ZNF20: variants seen among roughly 807,000 people sequenced by gnomAD.
ZNF20 encodes the protein zinc finger protein 20, also known as zinc finger protein KOX13.
In ZNF20, 9 loss-of-function variants were observed where a neutral mutation model predicts 11.0. That is an observed-to-expected ratio of 0.82 (90% CI 0.49 to 1.43). ZNF20 has a LOEUF of 1.43. ZNF20 is among the 40% of genes most tolerant of loss of function. The pLI, the probability that ZNF20 is intolerant of heterozygous loss-of-function variation, is 0.00. For missense variants in ZNF20, 528 were observed against 640.8 expected (o/e 0.82, Z 1.90); for synonymous variants, 182 against 213.0 (o/e 0.85, Z 1.27).
chr19:12,133,025 C>A lies in ZNF20; in HGVS notation c.1161G>T (p.Arg387Ser). The A allele has an allele frequency of 6.2e-7, 1 of 1,614,028 alleles. No individual in the cohort carries two copies. Among genetic ancestry groups the A allele is most frequent in the South Asian group, 1.1e-5 (1 of 91,080 alleles). The stretch of plus-strand genomic sequence containing the variant: ...CATGGGGTTTCTCTCCACTGTGCGT[C>A]CTTTCATGAATTTGAAGTTGTGAAG... The part of the protein sequence containing the change: ...RCASQLQIHE[R>S]THSGEKPHEC... Residue 387 changes from arginine to serine, a missense_variant, in exon 4 of 4, where the codon AGG (arginine) becomes AGT (serine). By Grantham distance (110) the Arg-to-Ser change is moderately radical (BLOSUM62 -1). Transcript: ENST00000334213.
At chr19:12,138,061 G>A (rs1209232567) in intron 1 of ZNF20, among the ~76,000 whole-genome samples, 1 of 152,172 alleles carries the variant, frequency 6.6e-6, no homozygotes, top group Non-Finnish European at 1.5e-5. Context: ...GATGGGAGCT[G>A]TGGGCATTTT....
intron 1 of ZNF20, among the ~76,000 whole-genome samples, chr19:12,136,519 T>TAA (rs75332258): frequency 1.4e-5 from 2 of 145,804 alleles, no homozygotes; most frequent in Non-Finnish European, 3.0e-5. Context: ...CTGTCTCTAT[T>TAA]AAAAAAAAAA....
At chr19:12,140,155 G>A (rs1171398762) in intron 1 of ZNF20, 25 bp downstream of exon 1, 2 of 1,596,168 alleles carry the variant, frequency 1.3e-6, no homozygotes, top group African/African-American at 1.3e-5. Flanking sequence ...TCCCCCGTCT[G>A]GGGACTCCGG....
chr19:12,140,080 C>T (rs1011873946), intron 1 of ZNF20, 100 bp downstream of exon 1: 12 of 1,460,102 alleles, frequency 8.2e-6, no homozygotes, highest in African/African-American at 1.4e-5. Flanking sequence ...GTCCCAGATC[C>T]AGGAGGCGCG....
At position 12,133,474 on chromosome 19, in the gene ZNF20, G is replaced by A. The variant is rs201995795; in HGVS notation, c.712C>T (p.Arg238Cys). 394 of 1,614,142 alleles carry A rather than the reference G, an allele frequency of 2.4e-4. 1 individual carries two copies. The African/African-American group carries it at 3.7e-3, about 15-fold the overall frequency. The change falls in exon 4 of 4, where the codon CGT (arginine) becomes TGT (cysteine). Residue 238 changes from arginine (R) to cysteine (C), a missense_variant. Physicochemically the swap from Arg to Cys is radical, Grantham distance 180. Coordinates refer to ENST00000334213, the MANE Select transcript of ZNF20 (RefSeq NM_021143.4). ...KCKQCGKAFTRSTTLPVHERT... is the reference protein window; with the variant it reads ...KCKQCGKAFTCSTTLPVHERT... ...TCATGTACTGGAAGGGTAGTGGAAC[G>A]AGTAAAGGCCTTACCACATTGTTTA...
At chr19:12,140,112 C>G in intron 1 of ZNF20, 68 bp downstream of exon 1, 1 of 1,560,066 alleles carries the variant, frequency 6.4e-7, no homozygotes, top group African/African-American at 1.4e-5. Context: ...CAGATCCCAC[C>G]ACAGCCGCTT....
intron 1 of ZNF20, among the ~76,000 whole-genome samples, chr19:12,138,256 C>T (rs1222195914): frequency 6.6e-6 from 1 of 151,860 alleles, no homozygotes; most frequent in Admixed American, 6.6e-5. Flanking sequence ...AGTTCGAGAC[C>T]AGCCTGACCA....
At chr19:12,136,011 C>T in intron 1 of ZNF20, 107 bp from the exon 2 acceptor site, 2 of 1,405,838 alleles carry the variant, frequency 1.4e-6, no homozygotes, top group Non-Finnish European at 1.9e-6. Context: ...TATCCCATGA[C>T]TTGGTCATCA....
At chr19:12,135,062 A>G (rs1976688119) in intron 3 of ZNF20, among the ~76,000 whole-genome samples, 1 of 151,880 alleles carries the variant, frequency 6.6e-6, no homozygotes, top group Non-Finnish European at 1.5e-5. Context: ...ATTTAAACAT[A>G]TGTTTTTAGG....
chr19:12,140,350 T>C lies in ZNF20; in HGVS notation c.-168A>G. 1.1e-6 allele frequency: 1 copy of C among 895,282 alleles called. No homozygotes were observed. The highest frequency in any genetic ancestry group is 2.6e-5 in the East Asian group (1 of 37,980). The allele number at this position is 895,282 out of a possible 1,614,324, so 55.5% of individuals were successfully genotyped here. ...CCTGCATAGCAACAAAAGTAGAAGC[T>C]GGAATGGGCCTCCTCCTTCCGGACG... is the stretch of plus-strand genomic sequence containing the variant. On this transcript the variant is annotated 5_prime_UTR_variant, in exon 1 of 4. Coordinates refer to ENST00000334213, the MANE Select transcript of ZNF20 (RefSeq NM_021143.4).
chr19:12,133,115 A>T lies in ZNF20; in HGVS notation c.1071T>A (p.His357Gln). The change falls in exon 4 of 4, where the codon CAT becomes CAA. Residue 357 changes from histidine to glutamine, a missense_variant. Physicochemically the swap from His to Gln is conservative, Grantham distance 24. Coordinates refer to ENST00000334213, the MANE Select transcript of ZNF20 (RefSeq NM_021143.4). ...AFRCTSDLQR[H>Q]EKTHTEDKPY... Reference sequence around the variant, plus strand: ...GTTTATCCTCAGTGTGTGTCTTTTCATGCCTTTGAAGGTCCGAGGTACATC... The same window carrying T: ...GTTTATCCTCAGTGTGTGTCTTTTCTTGCCTTTGAAGGTCCGAGGTACATC... 3.7e-6 allele frequency: 6 copies of T among 1,613,658 alleles called. No individual in the cohort carries two copies. Among genetic ancestry groups the T allele is most frequent in the Non-Finnish European group, 5.1e-6 (6 of 1,179,928 alleles).
At position 12,132,788 on chromosome 19, in the gene ZNF20, A is replaced by C. The variant is rs1387519149; in HGVS notation, c.1398T>G (p.Ile466Met). Residue 466 changes from isoleucine (I) to methionine (M), a missense_variant, in exon 4 of 4, where the codon ATT becomes ATG. Coordinates refer to ENST00000334213, the MANE Select transcript of ZNF20 (RefSeq NM_021143.4). Reference protein sequence around the residue: ...CGKAFTCSSSIRYHERTHTGE... With the variant: ...CGKAFTCSSSMRYHERTHTGE... ...CAGTGTGAGTCCTTTCATGATATCG[A>C]ATGGAACTGGAACAAGTGAAGGCTT... 1 of 1,613,728 alleles carries C rather than the reference A, an allele frequency of 6.2e-7. No individual in the cohort carries two copies. The highest frequency in any genetic ancestry group is 1.1e-5 in the South Asian group (1 of 91,056).
rs1309553111 is a variant in ZNF20 at position 12,140,162 on chromosome 19, C to T, written c.3+18G>A. ...CCAGCCCCTCCCCCGTCTGGGGACT[C>T]CGGCCCCATACACTCACCATTTCCC... is the stretch of plus-strand genomic sequence containing the variant. On this transcript the variant is annotated intron_variant, in intron 1 of 3. Transcript: ENST00000334213. 4 of 1,599,232 alleles carry T rather than the reference C, an allele frequency of 2.5e-6. No individual in the cohort carries two copies. The highest frequency in any genetic ancestry group is 1.7e-4 in the Middle Eastern group (1 of 6,026).
rs763256514 is a variant in ZNF20, at chr19:12,135,855, T to A, written c.53A>T (p.Gln18Leu). The A allele has an allele frequency of 6.2e-7, 1 of 1,614,144 alleles. No homozygotes were observed. Among genetic ancestry groups the A allele is most frequent in the Non-Finnish European group, 8.5e-7 (1 of 1,180,030 alleles). Residue 18 changes from glutamine to leucine, a missense_variant, in exon 2 of 4, where the codon CAG (glutamine) becomes CTG (leucine). Transcript: ENST00000334213. ...AFEDVAVSFT[Q>L]EEWALLDPSQ... ...AGGATCCAGCAAAGCCCACTCCTCC[T>A]GGGTGAAGCTGACAGCCACATCCTC...
In ZNF20 at chr19:12,133,049, A is replaced by G. The variant is rs1189813059; in HGVS notation, c.1137T>C (p.Ala379=). 16 of 1,613,984 alleles carry G rather than the reference A, an allele frequency of 9.9e-6. No individual in the cohort carries two copies. Among genetic ancestry groups the G allele is most frequent in the Non-Finnish European group, 1.4e-5 (16 of 1,179,946 alleles). ...TCCTTTCATGAATTTGAAGTTGTGAAGCACATCTAAAGCCTTTCCCACACT... is the reference window on the plus strand; with the variant it reads ...TCCTTTCATGAATTTGAAGTTGTGAGGCACATCTAAAGCCTTTCCCACACT... The part of the protein sequence containing the change: ...CKQCGKGFRC[A]SQLQIHERTH... The change falls in exon 4 of 4, where the codon GCT becomes GCC. Residue 379 remains alanine, a synonymous_variant. Coordinates refer to ENST00000334213, the MANE Select transcript of ZNF20 (RefSeq NM_021143.4).
chr19:12,138,656 C>A (rs1051879397), intron 1 of ZNF20, among the ~76,000 whole-genome samples: 1 of 151,682 alleles, frequency 6.6e-6, no homozygotes, highest in Non-Finnish European at 1.5e-5. Flanking sequence ...TAAAATACTG[C>A]ATCTATGTGA....
intron 1 of ZNF20, 118 bp downstream of exon 1, chr19:12,140,062 G>A (rs1323732120): frequency 7.4e-7 from 1 of 1,348,756 alleles, no homozygotes; most frequent in Non-Finnish European, 1.0e-6. Context: ...TGAGACAGAG[G>A]GATTCGGGTC....
At position 12,133,476 on chromosome 19, in the gene ZNF20, G is replaced by C. The variant is rs550604892; in HGVS notation, c.710C>G (p.Thr237Ser). ...YKCKQCGKAF[T>S]RSTTLPVHER... ...ATGTACTGGAAGGGTAGTGGAACGAGTAAAGGCCTTACCACATTGTTTACA... is the reference window on the plus strand; with the variant it reads ...ATGTACTGGAAGGGTAGTGGAACGACTAAAGGCCTTACCACATTGTTTACA... Residue 237 changes from threonine to serine, a missense_variant, in exon 4 of 4, where the codon ACT becomes AGT. Physicochemically the swap from Thr to Ser is moderately conservative, Grantham distance 58 (BLOSUM62 1). Transcript: ENST00000334213. 3 of 1,614,146 alleles carry C rather than the reference G, an allele frequency of 1.9e-6. No individual in the cohort carries two copies. The highest frequency in any genetic ancestry group is 2.2e-5 in the South Asian group (2 of 91,086).
chr19:12,134,008 C>CATA (rs750198210), intron 3 of ZNF20, 23 bp from the exon 4 acceptor site: 1 of 1,578,488 alleles, frequency 6.3e-7, no homozygotes, highest in South Asian at 1.2e-5. Context: ...ATGAGAAGCA[C>CATA]ATTATTAACG....
Sources: allele counts gnomAD v4.1 joint callset (sites outside exome capture counted in the v4.1 genomes callset), GRCh38; gene constraint gnomAD v4.1.1; transcripts MANE v1.5; gene names NCBI Gene and HGNC (gene_info 2026-07-23, HGNC 2026-07-21).